The following SLC17A7 variants were observed in gnomAD, a reference collection of about 807,000 sequenced individuals.
The protein encoded by SLC17A7 is solute carrier family 17 member 7.
Under a neutral mutation model 59.1 loss-of-function variants are expected in SLC17A7, and 15 were observed. The observed-to-expected ratio is 0.25, with a 90% confidence interval of 0.17 to 0.39. The LOEUF is 0.39. Among genes scored for constraint, SLC17A7 ranks in the 10% least tolerant of loss-of-function variants. SLC17A7 has a pLI of 1.00. For missense variants in SLC17A7, 499 were observed against 765.1 expected (o/e 0.65, Z 4.10); for synonymous variants, 353 against 308.9 (o/e 1.14, Z -1.50).
chr19:49,433,734 G>A lies in SLC17A7; in HGVS notation c.859C>T (p.Pro287Ser). 4.3e-6 allele frequency: 7 copies of A among 1,614,152 alleles called. No individual in the cohort carries two copies. Among genetic ancestry groups the A allele is most frequent in the Non-Finnish European group, 5.9e-6 (7 of 1,180,010 alleles). Residue 287 changes from proline (P) to serine (S), a missense_variant, in exon 7 of 12, where the codon CCC becomes TCC. Physicochemically the swap from Pro to Ser is moderately conservative, Grantham distance 74. Coordinates refer to ENST00000221485, the MANE Select transcript of SLC17A7 (RefSeq NM_020309.4). The surrounding 1 kb of genome is among the most constrained non-coding windows in gnomAD (Gnocchi z 5.7). ...AAGATTTGGTCCCGGACCGTGAGGG[G>A]GTTCATGAGTTTCGCGCTCTCTCCG... ...AIGESAKLMNPLTKFSTPWRR... is the reference protein window; with the variant it reads ...AIGESAKLMNSLTKFSTPWRR...
At position 49,431,081 on chromosome 19, in the gene SLC17A7, G is replaced by A; in HGVS notation, c.1323C>T (p.Ser441=). Residue 441 remains serine, a synonymous_variant, in exon 11 of 12, where the codon TCC becomes TCT. Transcript: ENST00000221485. The surrounding 1 kb of genome is among the most constrained non-coding windows in gnomAD (Gnocchi z 4.6). ...PRYASILMGI[S]NGVGTLSGMV... ...TGCCCGACAGTGTGCCCACGCCGTT[G>A]GAGATGCCCATGAGGATGCTGGCGT... The A allele has an allele frequency of 1.2e-6, 2 of 1,613,992 alleles. No homozygotes were observed. The highest frequency in any genetic ancestry group is 1.7e-6 in the Non-Finnish European group (2 of 1,180,012).
Position 49,433,001 on chromosome 19 carries a change from G to T in SLC17A7, c.868-41C>A, listed in dbSNP as rs763864624. 3 of 1,574,580 alleles carry T rather than the reference G, an allele frequency of 1.9e-6. No homozygotes were observed. Among genetic ancestry groups the T allele is most frequent in the Non-Finnish European group, 2.6e-6 (3 of 1,156,336 alleles). Reference sequence around the variant, plus strand: ...GAGGGCCGCTAAGACGGGGAGCGGGGCTGAGGGCTTCTCCGCGTCCCTTCA... The same window carrying T: ...GAGGGCCGCTAAGACGGGGAGCGGGTCTGAGGGCTTCTCCGCGTCCCTTCA... On this transcript the variant is annotated intron_variant, in intron 7 of 11. Coordinates refer to ENST00000221485, the MANE Select transcript of SLC17A7 (RefSeq NM_020309.4). The surrounding 1 kb of genome is among the most constrained non-coding windows in gnomAD (Gnocchi z 5.7).
At chr19:49,437,074 A>G (rs2078982638) in intron 1 of SLC17A7, 1 of 524,708 alleles carries the variant, frequency 1.9e-6, no homozygotes, top group African/African-American at 1.9e-5. Context: ...AAATCCTTCA[A>G]CTCAGGAGAC....
In SLC17A7 at chr19:49,433,033, A is replaced by T; in HGVS notation, c.868-73T>A. 1 of 1,457,462 alleles carries T rather than the reference A, an allele frequency of 6.9e-7. No homozygotes were observed. Among genetic ancestry groups the T allele is most frequent in the Non-Finnish European group, 9.4e-7 (1 of 1,064,392 alleles). The allele number at this position is 1,457,462 out of a possible 1,614,324, so 90.3% of individuals were successfully genotyped here. On this transcript the variant is annotated intron_variant, in intron 7 of 11. Transcript: ENST00000221485. This position sits in a 1 kb window ranked among gnomAD's most constrained non-coding sequence, Gnocchi z 5.7. ...GCTTCTCCGCGTCCCTTCAGGGACC[A>T]CAGTGTAGTTCTGCAGAAACCAAAG...
rs971797832 is a variant in SLC17A7, at chr19:49,431,078, G to A, written c.1326C>T (p.Asn442=). 9.3e-6 allele frequency: 15 copies of A among 1,613,804 alleles called. No individual in the cohort carries two copies. Among genetic ancestry groups the A allele is most frequent in the Middle Eastern group, 1.6e-4 (1 of 6,084 alleles). The change falls in exon 11 of 12, where the codon AAC becomes AAT. Residue 442 remains asparagine (N), a synonymous_variant. Coordinates refer to ENST00000221485, the MANE Select transcript of SLC17A7 (RefSeq NM_020309.4). This position sits in a 1 kb window ranked among gnomAD's most constrained non-coding sequence, Gnocchi z 4.6. The part of the protein sequence containing the change: ...RYASILMGIS[N]GVGTLSGMVC... The stretch of plus-strand genomic sequence containing the variant: ...CCATGCCCGACAGTGTGCCCACGCC[G>A]TTGGAGATGCCCATGAGGATGCTGG...
In SLC17A7 at chr19:49,436,328, A is replaced by G. The variant is rs1600987585; in HGVS notation, c.315+221T>C. On this transcript the variant is annotated intron_variant, in intron 2 of 11. Transcript: ENST00000221485. This position sits in a 1 kb window ranked among gnomAD's most constrained non-coding sequence, Gnocchi z 4.1. ...TTTTTCAATCAAGCCCCTGGAAATA[A>G]GGGCGGGACTTCATTTAGATCAGGA... The G allele has an allele frequency of 1.7e-6, 1 of 590,154 alleles. No individual in the cohort carries two copies. Among genetic ancestry groups the G allele is most frequent in the South Asian group, 2.3e-5 (1 of 42,662 alleles). The allele number at this position is 590,154 out of a possible 1,614,324, so 36.6% of individuals were successfully genotyped here. A position where few individuals can be genotyped will look rare whatever the true frequency, so the allele number is the denominator to read the frequency against.
intron 5 of SLC17A7, 121 bp downstream of exon 5, chr19:49,434,478 TCTC>T (rs542300491): frequency 3.0e-5 from 26 of 874,088 alleles, no homozygotes; most frequent in African/African-American, 2.3e-4. Context: ...AGGTCCAGAG[TCTC>T]CTCCTCCTCC....
Position 49,431,353 on chromosome 19 carries a change from C to G in SLC17A7, c.1246G>C (p.Gly416Arg). 6.2e-7 allele frequency: 1 copy of G among 1,614,134 alleles called. No homozygotes were observed. The highest frequency in any genetic ancestry group is 8.5e-7 in the Non-Finnish European group (1 of 1,179,990). ...CGGTTCTCACCAGAGATGGCGAAGCCGCTGAAGCCCACGGCTAGGACCAGG... is the reference window on the plus strand; with the variant it reads ...CGGTTCTCACCAGAGATGGCGAAGCGGCTGAAGCCCACGGCTAGGACCAGG... ...SFLVLAVGFS[G>R]FAISGFNVNH... Residue 416 changes from glycine to arginine, a missense_variant, in exon 10 of 12, where the codon GGC becomes CGC. Physicochemically the swap from Gly to Arg is moderately radical, Grantham distance 125 (BLOSUM62 -2). Transcript: ENST00000221485. The surrounding 1 kb of genome is among the most constrained non-coding windows in gnomAD (Gnocchi z 4.6).
chr19:49,435,351 AC>A, intron 2 of SLC17A7, 65 bp from the exon 3 acceptor site: 2 of 1,172,676 alleles, frequency 1.7e-6, no homozygotes, highest in South Asian at 1.2e-5. Context: ...ACCAATCAGC[AC>A]CCACAGACTT....
chr19:49,436,503 T>C lies in SLC17A7; in HGVS notation c.315+46A>G. ...GACGTCATGGGGGCGTAGGCGGAGC[T>C]CGGTGAGCGGGGCGGGGCTCTGCAA... On this transcript the variant is annotated intron_variant, in intron 2 of 11. Transcript: ENST00000221485. This position sits in a 1 kb window ranked among gnomAD's most constrained non-coding sequence, Gnocchi z 4.1. The C allele has an allele frequency of 6.3e-7, 1 of 1,592,404 alleles. No individual in the cohort carries two copies. Among genetic ancestry groups the C allele is most frequent in the Non-Finnish European group, 8.5e-7 (1 of 1,170,572 alleles).
rs148186322 is a variant in SLC17A7, at chr19:49,432,595, G to A, written c.1074C>T (p.Gly358=). The A allele has an allele frequency of 8.4e-5, 136 of 1,613,574 alleles. No individual in the cohort carries two copies. The African/African-American group carries it at 1.6e-3, about 19-fold the overall frequency. ...HLVMTIIVPI[G]GQIADFLRSR... ...TCCGCAGGAAGTCCGCGATCTGGCC[G>A]CCGATGGGCACGATGATGGTCATGA... Residue 358 remains glycine, a synonymous_variant, in exon 9 of 12, where the codon GGC becomes GGT. Coordinates refer to ENST00000221485, the MANE Select transcript of SLC17A7 (RefSeq NM_020309.4).
At chr19:49,437,040 C>T in intron 1 of SLC17A7, 1 of 598,882 alleles carries the variant, frequency 1.7e-6, no homozygotes, top group Non-Finnish European at 2.9e-6. Flanking sequence ...TGACGGTCTT[C>T]AGTCCCCCTC....
rs778475609 is a variant in SLC17A7 at position 49,436,511 on chromosome 19, C to T, written c.315+38G>A. 1.4e-5 allele frequency: 22 copies of T among 1,594,860 alleles called. No homozygotes were observed. Among genetic ancestry groups the T allele is most frequent in the South Asian group, 5.5e-5 (5 of 90,442 alleles). On this transcript the variant is annotated intron_variant, in intron 2 of 11. Coordinates refer to ENST00000221485, the MANE Select transcript of SLC17A7 (RefSeq NM_020309.4). This position sits in a 1 kb window ranked among gnomAD's most constrained non-coding sequence, Gnocchi z 4.1. ...GGGGGCGTAGGCGGAGCTCGGTGAGCGGGGCGGGGCTCTGCAAGGGCTCAG... is the reference window on the plus strand; with the variant it reads ...GGGGGCGTAGGCGGAGCTCGGTGAGTGGGGCGGGGCTCTGCAAGGGCTCAG...
rs745806769 is a variant in SLC17A7, at chr19:49,436,531, G to T, written c.315+18C>A. The T allele has an allele frequency of 3.1e-6, 5 of 1,609,828 alleles. No homozygotes were observed. The Middle Eastern group carries it at 6.6e-4, about 213-fold the overall frequency. The stretch of plus-strand genomic sequence containing the variant: ...GTGAGCGGGGCGGGGCTCTGCAAGG[G>T]CTCAGGCCTTGAGCTACCTGCACCA... On this transcript the variant is annotated intron_variant, in intron 2 of 11. Transcript: ENST00000221485. The surrounding 1 kb of genome is among the most constrained non-coding windows in gnomAD (Gnocchi z 4.1).
At position 49,439,904 on chromosome 19, in the gene SLC17A7, C is replaced by T. The variant is rs540523590; in HGVS notation, c.62+1414G>A. Among the ~76,000 whole-genome samples the T allele has an allele frequency of 3.4e-5, 5 of 147,566 alleles. No homozygotes were observed. In the South Asian group the frequency reaches 1.0e-3, roughly 31 times the overall value. On this transcript the variant is annotated intron_variant, in intron 1 of 11. Coordinates refer to ENST00000221485, the MANE Select transcript of SLC17A7 (RefSeq NM_020309.4). ...GGAATACATCCCTCCCGCTGCCACC[C>T]CCCAGCCCCCTCCACCAGCACGTCT... is the stretch of plus-strand genomic sequence containing the variant.
chr19:49,433,558 A>C lies in SLC17A7; in HGVS notation c.867+168T>G. 2 of 889,834 alleles carry C rather than the reference A, an allele frequency of 2.2e-6. No individual in the cohort carries two copies. Among genetic ancestry groups the C allele is most frequent in the East Asian group, 2.7e-5 (1 of 37,436 alleles). The allele number at this position is 889,834 out of a possible 1,614,324, so 55.1% of individuals were successfully genotyped here. On this transcript the variant is annotated intron_variant, in intron 7 of 11. Coordinates refer to ENST00000221485, the MANE Select transcript of SLC17A7 (RefSeq NM_020309.4). The surrounding 1 kb of genome is among the most constrained non-coding windows in gnomAD (Gnocchi z 5.7). ...CTAACCCTGCCCCCAGCACCTGAGA[A>C]TCTCGTCCTCCGCGGGTTGCAACCC...
chr19:49,431,105 G>A lies in SLC17A7; in HGVS notation c.1299C>T (p.Tyr433=), dbSNP rs2078957680. 4 of 1,614,000 alleles carry A rather than the reference G, an allele frequency of 2.5e-6. No homozygotes were observed. Among genetic ancestry groups the A allele is most frequent in the Non-Finnish European group, 2.5e-6 (3 of 1,179,996 alleles). Residue 433 remains tyrosine, a synonymous_variant, in exon 11 of 12, where the codon TAC becomes TAT. Coordinates refer to ENST00000221485, the MANE Select transcript of SLC17A7 (RefSeq NM_020309.4). This position sits in a 1 kb window ranked among gnomAD's most constrained non-coding sequence, Gnocchi z 4.6. ...TGGAGATGCCCATGAGGATGCTGGCGTAGCGCGGGGCTATGTCCAGGTGGT... is the reference window on the plus strand; with the variant it reads ...TGGAGATGCCCATGAGGATGCTGGCATAGCGCGGGGCTATGTCCAGGTGGT... ...NVNHLDIAPR[Y]ASILMGISNG...
Position 49,436,768 on chromosome 19 carries a change from C to T in SLC17A7, c.96G>A (p.Thr32=). 6.2e-7 allele frequency: 1 copy of T among 1,605,578 alleles called. No homozygotes were observed. The highest frequency in any genetic ancestry group is 8.5e-7 in the Non-Finnish European group (1 of 1,179,802). Residue 32 remains threonine, a synonymous_variant, in exon 2 of 12, where the codon ACG becomes ACA. Transcript: ENST00000221485. The surrounding 1 kb of genome is among the most constrained non-coding windows in gnomAD (Gnocchi z 4.1). ...GGCGCCCATCCGCACTCAGCTCCAG[C>T]GTCTCCGCGCCTTCCTGCCGCTTCT... is the stretch of plus-strand genomic sequence containing the variant. ...LLEKRQEGAE[T]LELSADGRPV...
chr19:49,433,076 A>G lies in SLC17A7; in HGVS notation c.868-116T>C. On this transcript the variant is annotated intron_variant, in intron 7 of 11. Coordinates refer to ENST00000221485, the MANE Select transcript of SLC17A7 (RefSeq NM_020309.4). This position sits in a 1 kb window ranked among gnomAD's most constrained non-coding sequence, Gnocchi z 5.7. ...AACCAAAGGATCCCGACCGCACTGA[A>G]ACTTCTATGGACCCAAAGGCGCGGG... The G allele has an allele frequency of 1.7e-6, 2 of 1,148,672 alleles. No homozygotes were observed. Among genetic ancestry groups the G allele is most frequent in the Non-Finnish European group, 2.5e-6 (2 of 812,662 alleles). The allele number at this position is 1,148,672 out of a possible 1,614,324, so 71.2% of individuals were successfully genotyped here.
Sources: allele counts gnomAD v4.1 joint callset (sites outside exome capture counted in the v4.1 genomes callset), GRCh38; gene constraint gnomAD v4.1.1; non-coding constraint Gnocchi (gnomAD v3.1); transcripts MANE v1.5; gene names NCBI Gene and HGNC (gene_info 2026-07-23, HGNC 2026-07-21).